Variants in ZSCAN32 observed in about 807,000 individuals in gnomAD.
ZSCAN32 encodes zinc finger and SCAN domain-containing protein 32.
In ZSCAN32, 52 loss-of-function variants were observed where a neutral mutation model predicts 47.4. The ratio of observed to expected loss-of-function variants is 1.10; its 90% confidence interval spans 0.88 to 1.38. ZSCAN32 has a LOEUF of 1.38. Ranked by LOEUF, ZSCAN32 falls within the 40% of genes most tolerant of loss-of-function variation. ZSCAN32 has a pLI of 0.00. For missense variants in ZSCAN32, 959 were observed against 846.0 expected, an observed-to-expected ratio of 1.13 and a Z score of -1.66; for synonymous variants, 346 against 305.7, an observed-to-expected ratio of 1.13 and a Z score of -1.38.
intron 3 of ZSCAN32, among the ~76,000 whole-genome samples, chr16:3,391,798 G>A (rs1322426935): frequency 1.3e-5 from 2 of 152,114 alleles, no homozygotes; most frequent in Non-Finnish European, 2.9e-5. Context: ...GGATGTGGTG[G>A]CACATGCCTG....
chr16:3,390,487 A>G lies in ZSCAN32; in HGVS notation c.563T>C (p.Leu188Pro). ...GTCGTGGAGACCTGTGTTTTGAGGC[A>G]GGTTCCTGGGAGCCTGAGGAGCAAG... ...AWLAPQAPRN[L>P]PQNTGLHDQE... Residue 188 changes from leucine (L) to proline (P), a missense_variant, in exon 4 of 7, where the codon CTG (leucine) becomes CCG (proline). Transcript: ENST00000396852. The G allele has an allele frequency of 6.5e-7, 1 of 1,549,348 alleles. No individual in the cohort carries two copies. Among genetic ancestry groups the G allele is most frequent in the Admixed American group, 2.0e-5 (1 of 50,998 alleles).
Position 3,390,202 on chromosome 16 carries a change from C to T in ZSCAN32, c.628-69G>A, listed in dbSNP as rs2032516023. The T allele has an allele frequency of 4.7e-6, 7 of 1,504,876 alleles. No individual in the cohort carries two copies. In the East Asian group the frequency reaches 1.7e-4, roughly 37 times the overall value. The allele number at this position is 1,504,876 out of a possible 1,614,324, so 93.2% of individuals were successfully genotyped here. The stretch of plus-strand genomic sequence containing the variant: ...CTCTAGCCTGGGGTGGGGGCAGAGA[C>T]AGGATCACAGTTGTCAGATCAGGGG... On this transcript the variant is annotated intron_variant, in intron 4 of 6. Transcript: ENST00000396852.
At chr16:3,392,040 C>T (rs950737366) in intron 3 of ZSCAN32, among the ~76,000 whole-genome samples, 2 of 152,094 alleles carry the variant, frequency 1.3e-5, no homozygotes, top group African/African-American at 4.8e-5. Flanking sequence ...AAATATAGAC[C>T]CTTGGAATAT....
In ZSCAN32 at chr16:3,390,112, T is replaced by G. The variant is rs370663621; in HGVS notation, c.649A>C (p.Arg217=). ...TCTTGCTGACAGAGGGATACAGCTC[T>G]GTTGTCACGCATGGCTGGTCCCTGT... ...GSQGPAMRDN[R]AVSLCQQEWM... The change falls in exon 5 of 7, where the codon AGA becomes CGA. Residue 217 remains arginine (R), a synonymous_variant. Transcript: ENST00000396852. 1 of 1,613,204 alleles carries G rather than the reference T, an allele frequency of 6.2e-7. No homozygotes were observed. Among genetic ancestry groups the G allele is most frequent in the Non-Finnish European group, 8.5e-7 (1 of 1,179,582 alleles).
At chr16:3,387,962 G>A (rs1336311602) in intron 5 of ZSCAN32, among the ~76,000 whole-genome samples, 2 of 152,146 alleles carry the variant, frequency 1.3e-5, no homozygotes, top group Non-Finnish European at 2.9e-5. Context: ...CCTCTGCCCA[G>A]AACCGCACAA....
chr16:3,397,591 C>G lies in ZSCAN32; in HGVS notation c.-34G>C. On this transcript the variant is annotated 5_prime_UTR_variant, in exon 2 of 7. Transcript: ENST00000396852. ...ACGAACTGGCTTACTCTGGTTGCCA[C>G]TTCTACCCTGGAGATCAGAGTCCAT... 2 of 1,484,112 alleles carry G rather than the reference C, an allele frequency of 1.3e-6. No individual in the cohort carries two copies. The highest frequency in any genetic ancestry group is 1.8e-6 in the Non-Finnish European group (2 of 1,112,888). 91.9% of individuals were successfully genotyped at this position (1,484,112 alleles called of 1,614,324 possible).
At chr16:3,397,094 G>A in intron 2 of ZSCAN32, 98 bp downstream of exon 2, 1 of 1,415,444 alleles carries the variant, frequency 7.1e-7, no homozygotes, top group Non-Finnish European at 9.3e-7. Context: ...GGGCAGCAGA[G>A]GGCTACTGTG....
chr16:3,392,835 A>T (rs2150894706), intron 3 of ZSCAN32, among the ~76,000 whole-genome samples: 1 of 152,170 alleles, frequency 6.6e-6, no homozygotes, highest in African/African-American at 2.4e-5. Flanking sequence ...CAAAAAACAA[A>T]GAAACAAAAA....
At chr16:3,390,172 C>G in intron 4 of ZSCAN32, 39 bp from the exon 5 acceptor site, 1 of 1,560,074 alleles carries the variant, frequency 6.4e-7, no homozygotes, top group Non-Finnish European at 8.7e-7. Context: ...GATAAAATAG[C>G]ACCACTCTAG....
chr16:3,390,882 T>A (rs112504516), intron 3 of ZSCAN32, among the ~76,000 whole-genome samples: 75 of 152,150 alleles, frequency 4.9e-4, no homozygotes, highest in African/African-American at 1.8e-3. Context: ...AAAAAGAGAA[T>A]CGTAGTGGGC....
Position 3,397,221 on chromosome 16 carries a change from C to A in ZSCAN32, c.337G>T (p.Glu113Ter). The A allele has an allele frequency of 6.4e-7, 1 of 1,554,142 alleles. No homozygotes were observed. Among genetic ancestry groups the A allele is most frequent in the Non-Finnish European group, 8.7e-7 (1 of 1,149,084 alleles). The change falls in exon 2 of 7, where the codon GAG (glutamate) becomes TAG (stop). Residue 113 changes from glutamate (E) to a stop codon, truncating the protein, a stop_gained. Coordinates refer to ENST00000396852, the MANE Select transcript of ZSCAN32 (RefSeq NM_001284527.2). LOFTEE classifies it high-confidence loss of function. The stretch of plus-strand genomic sequence containing the variant: ...TGTCCAGGAGCTCTCTGTACATCCT[C>A]AACCAGAGCCACAGCTTCCTCGCCG... ...ENGEEAVALV[E>*]DVQRAPGQQV...
At chr16:3,386,807 G>A (rs1190273861) in intron 5 of ZSCAN32, among the ~76,000 whole-genome samples, 1 of 152,030 alleles carries the variant, frequency 6.6e-6, no homozygotes, top group Admixed American at 6.6e-5. Context: ...GGGGAGAGAG[G>A]GGAGGGATAG....
In ZSCAN32 at chr16:3,397,519, G is replaced by A. The variant is rs1174275369; in HGVS notation, c.39C>T (p.Ser13=). Residue 13 remains serine (S), a synonymous_variant, in exon 2 of 7, where the codon TCC becomes TCT. Transcript: ENST00000396852. ...GGCCCTGTGTGGGATCCTTGTTTGA[G>A]GATGGGTGTGCCTCGGTACTCTTCA... ...AAVKSTEAHP[S]SNKDPTQGQK... 3.9e-6 allele frequency: 6 copies of A among 1,549,708 alleles called. No homozygotes were observed. Among genetic ancestry groups the A allele is most frequent in the Non-Finnish European group, 1.7e-6 (2 of 1,146,364 alleles).
Position 3,384,793 on chromosome 16 carries a change from C to G in ZSCAN32, c.900G>C (p.Leu300=). ...MAEGLWEQGF[L]RTPEQCRTKF... Reference sequence around the variant, plus strand: ...TGGTGCGACACTGTTCTGGGGTCCGCAGAAAACCCTGCTCCCAGAGTCCTT... The same window carrying G: ...TGGTGCGACACTGTTCTGGGGTCCGGAGAAAACCCTGCTCCCAGAGTCCTT... The change falls in exon 6 of 7, where the codon CTG becomes CTC. Residue 300 remains leucine, a synonymous_variant. Coordinates refer to ENST00000396852, the MANE Select transcript of ZSCAN32 (RefSeq NM_001284527.2). 6.2e-7 allele frequency: 1 copy of G among 1,614,198 alleles called. No homozygotes were observed. The highest frequency in any genetic ancestry group is 8.5e-7 in the Non-Finnish European group (1 of 1,180,040).
At position 3,390,470 on chromosome 16, in the gene ZSCAN32, G is replaced by A. The variant is rs759608545; in HGVS notation, c.580C>T (p.Leu194Phe). The A allele has an allele frequency of 2.0e-5, 31 of 1,549,726 alleles. No homozygotes were observed. The South Asian group carries it at 2.0e-4, about 10-fold the overall frequency. ...ACAGCACCTGTCTCCTGGTCGTGGAGACCTGTGTTTTGAGGCAGGTTCCTG... is the reference window on the plus strand; with the variant it reads ...ACAGCACCTGTCTCCTGGTCGTGGAAACCTGTGTTTTGAGGCAGGTTCCTG... ...APRNLPQNTG[L>F]HDQETGAVVW... The change falls in exon 4 of 7, where the codon CTC becomes TTC. Residue 194 changes from leucine to phenylalanine, a missense_variant. Transcript: ENST00000396852.
intron 2 of ZSCAN32, among the ~76,000 whole-genome samples, chr16:3,396,220 A>G (rs558036806): frequency 5.9e-5 from 9 of 152,200 alleles, no homozygotes; most frequent in Admixed American, 2.0e-4. Context: ...AAGAGTCCCA[A>G]TCCCACAGAT....
intron 6 of ZSCAN32, 62 bp downstream of exon 6, chr16:3,384,397 G>C: frequency 6.3e-7 from 1 of 1,597,290 alleles, no homozygotes; most frequent in South Asian, 1.1e-5. Context: ...TCAACTGCTA[G>C]GCTAATGGCC....
At chr16:3,385,011 G>C in intron 5 of ZSCAN32, 70 bp from the exon 6 acceptor site, 1 of 1,509,872 alleles carries the variant, frequency 6.6e-7, no homozygotes, top group Non-Finnish European at 8.8e-7. Flanking sequence ...ACTGCAGTGT[G>C]CAGTTTTGGC....
intron 3 of ZSCAN32, among the ~76,000 whole-genome samples, chr16:3,391,388 C>A (rs967011827): frequency 2.6e-5 from 4 of 152,084 alleles, no homozygotes; most frequent in African/African-American, 9.7e-5. Flanking sequence ...TAAAAAAAAA[C>A]TAAAATCAGC....
Sources: allele counts gnomAD v4.1 joint callset (sites outside exome capture counted in the v4.1 genomes callset), GRCh38; gene constraint gnomAD v4.1.1; transcripts MANE v1.5; gene names NCBI Gene and HGNC (gene_info 2026-07-23, HGNC 2026-07-21).